CD99: variants seen among roughly 807,000 people sequenced by gnomAD.
CD99 encodes CD99 antigen.
CD99 carries 19 observed loss-of-function variants against 28.4 expected under a neutral mutation model. The ratio of observed to expected loss-of-function variants is 0.67; its 90% CI spans 0.47 to 0.98. CD99 has a LOEUF of 0.98. CD99 is among the 50% of genes least tolerant of loss of function. The pLI is 0.00. For synonymous variants in CD99, 103 were observed against 92.1 expected, an observed-to-expected ratio of 1.12 and a Z score of -0.67; for missense variants, 283 against 248.8, an observed-to-expected ratio of 1.14 and a Z score of -0.92.
At chrX:2,740,223 G>A (rs1569453060) in intron 9 of CD99, among the ~76,000 whole-genome samples, 1 of 152,296 alleles carries the variant, frequency 6.6e-6, no homozygotes, top group East Asian at 1.9e-4. Flanking sequence ...CTGCAATGAA[G>A]TTGTCTGGCT....
intron 1 of CD99, among the ~76,000 whole-genome samples, chrX:2,701,950 A>G (rs1405556920): frequency 6.6e-6 from 1 of 152,226 alleles, no homozygotes; most frequent in Non-Finnish European, 1.5e-5. Flanking sequence ...TTTGCATCAC[A>G]TGGGTAGGCT....
At chrX:2,721,945 G>A (rs896615316) in intron 5 of CD99, among the ~76,000 whole-genome samples, 15 of 151,886 alleles carry the variant, frequency 9.9e-5, no homozygotes, top group African/African-American at 2.9e-4. Flanking sequence ...GAGTACTTTC[G>A]TAGCTTTTGA....
chrX:2,724,706 A>G (rs1452764007), intron 7 of CD99, among the ~76,000 whole-genome samples: 1 of 151,790 alleles, frequency 6.6e-6, no homozygotes, highest in East Asian at 1.9e-4. Context: ...GGAGTTCGAG[A>G]CCAGCCTGGC....
intron 1 of CD99, among the ~76,000 whole-genome samples, chrX:2,697,912 T>C (rs1177094791): frequency 6.6e-6 from 1 of 151,706 alleles, no homozygotes; most frequent in African/African-American, 2.4e-5. Flanking sequence ...AGGGAGGGAT[T>C]TGGATCTGGG....
In CD99 at chrX:2,691,494, G is replaced by T. The variant is rs1264120485; in HGVS notation, c.67+67G>T. The T allele has an allele frequency of 4.0e-6, 6 of 1,503,646 alleles. No individual in the cohort carries two copies. In the African/African-American group the frequency reaches 6.9e-5, roughly 17 times the overall value. 93.1% of individuals were successfully genotyped at this position (1,503,646 alleles called of 1,614,324 possible). A position where few individuals can be genotyped will look rare whatever the true frequency, so the allele number is the denominator to read the frequency against. The stretch of plus-strand genomic sequence containing the variant: ...GCGGGCCGGGACTGGGGATCCGCTT[G>T]AGATGCGGCGTTGGGGGCGCCCCGC... On this transcript the variant is annotated intron_variant, in intron 1 of 9. Coordinates refer to ENST00000381192, the MANE Select transcript of CD99 (RefSeq NM_002414.5).
At chrX:2,708,312 A>G (rs1817266769) in intron 1 of CD99, among the ~76,000 whole-genome samples, 1 of 152,052 alleles carries the variant, frequency 6.6e-6, no homozygotes, top group Non-Finnish European at 1.5e-5. Flanking sequence ...TATGAAATCG[A>G]GAGCGGGTCA....
At chrX:2,739,654 A>G (rs2050107683) in intron 9 of CD99, among the ~76,000 whole-genome samples, 2 of 151,852 alleles carry the variant, frequency 1.3e-5, no homozygotes, top group South Asian at 2.1e-4. Context: ...GGCTTTCGCC[A>G]TGTTGGCCAG....
At chrX:2,713,751 C>T (rs1361213451) in intron 1 of CD99, among the ~76,000 whole-genome samples, 6 of 152,086 alleles carry the variant, frequency 3.9e-5, no homozygotes, top group Admixed American at 1.3e-4. Context: ...GGAGTGGGGA[C>T]GCTGGATGTT....
intron 5 of CD99, among the ~76,000 whole-genome samples, chrX:2,721,579 A>G (rs1013742829): frequency 6.6e-6 from 1 of 152,144 alleles, no homozygotes; most frequent in Non-Finnish European, 1.5e-5. Context: ...TACAGGCACG[A>G]GTCACCTCAC....
chrX:2,716,663 C>T (rs1329942046), intron 2 of CD99, among the ~76,000 whole-genome samples: 1 of 152,204 alleles, frequency 6.6e-6, no homozygotes, highest in Non-Finnish European at 1.5e-5. Flanking sequence ...CACTGCACCT[C>T]GCCAGCTTTT....
At chrX:2,734,869 G>T (rs2049859599) in intron 8 of CD99, among the ~76,000 whole-genome samples, 1 of 150,016 alleles carries the variant, frequency 6.7e-6, no homozygotes. Context: ...TGGAAATGAG[G>T]CACAGCCTCC....
intron 1 of CD99, among the ~76,000 whole-genome samples, chrX:2,702,360 A>G (rs769184786): frequency 6.7e-6 from 1 of 150,096 alleles, no homozygotes; most frequent in East Asian, 2.0e-4. Context: ...TATCAGTCCC[A>G]TGGTGTAACA....
Position 2,693,670 on chromosome X carries a change from G to C in CD99, c.67+2243G>C, listed in dbSNP as rs146619643. The stretch of plus-strand genomic sequence containing the variant: ...TGCTGATAGCTCTGGCCTGATCTCA[G>C]AGTGTTGGGGACCCTGTGTTCCTTG... On this transcript the variant is annotated intron_variant, in intron 1 of 9. Transcript: ENST00000381192. Among the ~76,000 whole-genome samples, 539 of 152,276 alleles carry C rather than the reference G, an allele frequency of 3.5e-3. 5 individuals are homozygous for C. The highest frequency in any genetic ancestry group is 0.01 in the Middle Eastern group (3 of 294).
intron 8 of CD99, chrX:2,727,324 T>G (rs1395699535): frequency 1.3e-6 from 1 of 779,204 alleles, no homozygotes; most frequent in Non-Finnish European, 2.4e-6. Flanking sequence ...GACCTTGTAT[T>G]GGGATCCGCC....
At chrX:2,740,036 G>C (rs2050128247) in intron 9 of CD99, among the ~76,000 whole-genome samples, 1 of 151,916 alleles carries the variant, frequency 6.6e-6, no homozygotes, top group East Asian at 1.9e-4. Context: ...AGGTTGTGGT[G>C]AGCCAAGATT....
At chrX:2,719,780 T>C in intron 4 of CD99, 75 bp downstream of exon 4, 1 of 1,459,104 alleles carries the variant, frequency 6.9e-7, no homozygotes, top group Non-Finnish European at 9.6e-7. Context: ...TCAGAGAGAA[T>C]TCTCCCATTT....
intron 8 of CD99, among the ~76,000 whole-genome samples, chrX:2,732,456 C>T (rs1027559136): frequency 6.6e-6 from 1 of 151,942 alleles, no homozygotes; most frequent in African/African-American, 2.4e-5. Context: ...CTTTCTCTTT[C>T]TTCTTCTCTG....
In CD99 at chrX:2,738,241, A is replaced by G. The variant is rs1253118540; in HGVS notation, c.517A>G (p.Asn173Asp). 5 of 1,613,880 alleles carry G rather than the reference A, an allele frequency of 3.1e-6. No individual in the cohort carries two copies. The highest frequency in any genetic ancestry group is 1.6e-4 in the Middle Eastern group (1 of 6,070). ...EVDMESHRNA[N>D]AEPAVQRTLL... ...GGACATGGAGAGCCACCGGAATGCCAACGCAGAGCCAGCTGGTAAGAAGGA... is the reference window on the plus strand; with the variant it reads ...GGACATGGAGAGCCACCGGAATGCCGACGCAGAGCCAGCTGGTAAGAAGGA... Residue 173 changes from asparagine (N) to aspartate (D), a missense_variant, in exon 9 of 10, where the codon AAC becomes GAC. Asn to Asp is a conservative substitution (Grantham distance 23, BLOSUM62 1). Transcript: ENST00000381192.
chrX:2,694,569 A>G (rs1308208876), intron 1 of CD99, among the ~76,000 whole-genome samples: 2 of 152,104 alleles, frequency 1.3e-5, no homozygotes, highest in Admixed American at 6.5e-5. Context: ...CCTGGCCAAC[A>G]TGGCAAAACC....
Sources: gnomAD v4.1 joint callset for allele counts (sites outside exome capture counted in the v4.1 genomes callset) on GRCh38, gnomAD v4.1.1 for gene constraint, MANE v1.5 for transcripts, NCBI Gene and HGNC (gene_info 2026-07-23, HGNC 2026-07-21) for gene names.